The following PKHD1 variants were observed in gnomAD, a reference collection of about 807,000 sequenced individuals.
PKHD1 encodes the protein PKHD1 ciliary IPT domain containing fibrocystin/polyductin.
A neutral mutation model predicts 412.0 loss-of-function variants in PKHD1; 291 were observed. That is an observed-to-expected ratio of 0.71 (90% CI 0.64 to 0.78). The LOEUF (loss-of-function observed/expected upper bound fraction) is 0.78, where lower values mean the gene tolerates loss of function less well. PKHD1 is among the 30% of genes least tolerant of loss of function. The probability of loss-of-function intolerance (pLI) is 0.00; values close to 1 mark genes in which losing one functional copy is unlikely to be tolerated. For missense variants in PKHD1, 4,825 were observed against 4,950.7 expected, an observed-to-expected ratio of 0.97 and a Z score of 0.76; for synonymous variants, 1,777 against 1,821.5, an observed-to-expected ratio of 0.98 and a Z score of 0.62.
chr6:51,985,519 A>G (rs1321810486), intron 35 of PKHD1, among the ~76,000 whole-genome samples: 2 of 152,202 alleles, frequency 1.3e-5, no homozygotes, highest in African/African-American at 4.8e-5. Context: ...ACTTGAGGCC[A>G]GGAGTTCGAG....
intron 35 of PKHD1, among the ~76,000 whole-genome samples, chr6:51,991,823 CA>C (rs1349329020): frequency 6.6e-6 from 1 of 152,160 alleles, no homozygotes; most frequent in Non-Finnish European, 1.5e-5. Flanking sequence ...CAAGCATTGC[CA>C]ATGTTAATCT....
intron 40 of PKHD1, among the ~76,000 whole-genome samples, chr6:51,908,373 C>T (rs1230416368): frequency 6.6e-6 from 1 of 152,036 alleles, no homozygotes; most frequent in Non-Finnish European, 1.5e-5. Context: ...CAAAGTATGC[C>T]CTGATGTCCT....
At position 51,743,019 on chromosome 6, in the gene PKHD1, G is replaced by C. The variant is rs116764093; in HGVS notation, c.10156+1366C>G. Among the ~76,000 whole-genome samples, 968 of 152,184 alleles carry C rather than the reference G, an allele frequency of 6.4e-3. 11 individuals carry two copies. Among genetic ancestry groups the C allele is most frequent in the African/African-American group, 0.021 (870 of 41,530 alleles). The stretch of plus-strand genomic sequence containing the variant: ...ATACCATGTTAAACGAAAAATAAGA[G>C]ACCAGGATAAGTAAGTAAAAGGCGT... On this transcript the variant is annotated intron_variant, in intron 60 of 66. Coordinates refer to ENST00000371117, the MANE Select transcript of PKHD1 (RefSeq NM_138694.4).
chr6:51,930,694 T>C (rs915519448), intron 37 of PKHD1, among the ~76,000 whole-genome samples: 6 of 152,244 alleles, frequency 3.9e-5, no homozygotes, highest in Non-Finnish European at 8.8e-5. Flanking sequence ...TGCTGCTGAA[T>C]ATTAGGAACC....
intron 52 of PKHD1, among the ~76,000 whole-genome samples, chr6:51,792,896 A>T (rs1043834765): frequency 3.3e-5 from 5 of 152,208 alleles, no homozygotes; most frequent in African/African-American, 7.2e-5. Context: ...GAGACACATT[A>T]TTCAAATTAT....
chr6:51,819,311 G>A (rs568007811), intron 52 of PKHD1, among the ~76,000 whole-genome samples: 1 of 152,294 alleles, frequency 6.6e-6, no homozygotes, highest in Admixed American at 6.5e-5. Flanking sequence ...TCTGTGCTTA[G>A]TCCAAAATTT....
At chr6:51,927,443 C>T (rs963026048) in intron 37 of PKHD1, among the ~76,000 whole-genome samples, 2 of 152,186 alleles carry the variant, frequency 1.3e-5, no homozygotes, top group Non-Finnish European at 2.9e-5. Context: ...GGAGCAGAGT[C>T]CACTCCATCA....
chr6:51,732,149 C>T (rs1783308271), intron 60 of PKHD1, among the ~76,000 whole-genome samples: 1 of 151,970 alleles, frequency 6.6e-6, no homozygotes, highest in South Asian at 2.1e-4. Context: ...CTGCTTTTAG[C>T]CTGGATGCTA....
At position 51,755,487 on chromosome 6, in the gene PKHD1, T is replaced by A. The variant is rs532473030; in HGVS notation, c.8643-549A>T. Reference sequence around the variant, plus strand: ...CACTTCACTCCTCGGCTTCATATCCTCATCTGAAAAGGCTATATTTGTACT... The same window carrying A: ...CACTTCACTCCTCGGCTTCATATCCACATCTGAAAAGGCTATATTTGTACT... On this transcript the variant is annotated intron_variant, in intron 55 of 66. Coordinates refer to ENST00000371117, the MANE Select transcript of PKHD1 (RefSeq NM_138694.4). Among the ~76,000 whole-genome samples, 108 of 152,302 alleles carry A rather than the reference T, an allele frequency of 7.1e-4. 1 individual carries two copies. The South Asian group carries it at 7.7e-3, about 11-fold the overall frequency.
intron 52 of PKHD1, among the ~76,000 whole-genome samples, chr6:51,807,458 A>AAAATATATATATATAT (rs1332349363): frequency 2.0e-5 from 1 of 49,676 alleles, no homozygotes; most frequent in African/African-American, 6.0e-5. Flanking sequence ...AAAAAAAAAA[A>AAAATATATATATATAT]ATATATATAT....
intron 41 of PKHD1, 120 bp downstream of exon 41, chr6:51,906,095 T>G: frequency 1.2e-6 from 1 of 833,410 alleles, no homozygotes; most frequent in Non-Finnish European, 2.0e-6. Context: ...GTAGCCCATT[T>G]CTAGTGATCA....
At chr6:51,941,134 T>C (rs1026048199) in intron 36 of PKHD1, among the ~76,000 whole-genome samples, 33 of 150,290 alleles carry the variant, frequency 2.2e-4, no homozygotes, top group African/African-American at 7.8e-4. Flanking sequence ...TACCATCCCA[T>C]TAAAACCTAA....
At chr6:51,885,465 G>A (rs1179605540) in intron 45 of PKHD1, among the ~76,000 whole-genome samples, 2 of 152,110 alleles carry the variant, frequency 1.3e-5, no homozygotes, top group African/African-American at 4.8e-5. Context: ...TCTGCACTTG[G>A]TTGTACTACT....
intron 29 of PKHD1, among the ~76,000 whole-genome samples, chr6:52,032,228 G>C (rs1803166656): frequency 6.6e-6 from 1 of 152,080 alleles, no homozygotes; most frequent in Non-Finnish European, 1.5e-5. Context: ...CTTTTTCTTT[G>C]GGAAATATGA....
chr6:51,706,111 G>GA (rs1370626593), intron 60 of PKHD1, among the ~76,000 whole-genome samples: 1 of 152,068 alleles, frequency 6.6e-6, no homozygotes, highest in Non-Finnish European at 1.5e-5. Context: ...AAGGACTTGG[G>GA]AAAATCAAAG....
intron 52 of PKHD1, among the ~76,000 whole-genome samples, chr6:51,797,549 T>C (rs1015965711): frequency 2.0e-5 from 3 of 152,222 alleles, no homozygotes; most frequent in Non-Finnish European, 2.9e-5. Context: ...TTTACCATTA[T>C]GTAATGCCCT....
chr6:51,987,516 C>T lies in PKHD1; in HGVS notation c.5751+22793G>A, dbSNP rs1045913603. On this transcript the variant is annotated intron_variant, in intron 35 of 66. Coordinates refer to ENST00000371117, the MANE Select transcript of PKHD1 (RefSeq NM_138694.4). The stretch of plus-strand genomic sequence containing the variant: ...AACAAAACGCTGGAAAGTGGTGGAA[C>T]CAAGGCTTTGAGAATCTGTTTTCAG... 5.9e-5 allele frequency among the ~76,000 whole-genome samples: 9 copies of T among 152,178 alleles called. No individual in the cohort carries two copies. The East Asian group carries it at 1.7e-3, about 29-fold the overall frequency.
chr6:51,748,151 A>G lies in PKHD1; in HGVS notation c.9465T>C (p.Tyr3155=), dbSNP rs1404074777. ...TGTTCTCTACATGTAACATGGCACC[A>G]TAGTCAAAGTTCTTGAAAGCCAAGA... is the stretch of plus-strand genomic sequence containing the variant. The part of the protein sequence containing the change: ...SGFLAFKNFD[Y]GAMLHVENSV... Residue 3155 remains tyrosine (Y), a synonymous_variant, in exon 58 of 67, where the codon TAT becomes TAC. Coordinates refer to ENST00000371117, the MANE Select transcript of PKHD1 (RefSeq NM_138694.4). 1 of 1,614,008 alleles carries G rather than the reference A, an allele frequency of 6.2e-7. No homozygotes were observed. Among genetic ancestry groups the G allele is most frequent in the Non-Finnish European group, 8.5e-7 (1 of 1,179,990 alleles).
At chr6:51,866,657 T>C (rs1775105974) in intron 48 of PKHD1, among the ~76,000 whole-genome samples, 1 of 152,170 alleles carries the variant, frequency 6.6e-6, no homozygotes, top group Non-Finnish European at 1.5e-5. Context: ...GCATATAATG[T>C]TCCTTTTAAG....
Sources: allele counts gnomAD v4.1 joint callset (sites outside exome capture counted in the v4.1 genomes callset), GRCh38; gene constraint gnomAD v4.1.1; transcripts MANE v1.5; gene names NCBI Gene and HGNC (gene_info 2026-07-23, HGNC 2026-07-21).